ESRRB: variants seen among roughly 807,000 people sequenced by gnomAD.
ESRRB encodes steroid hormone receptor ERR2.
In ESRRB, 16 loss-of-function variants were observed where a neutral mutation model predicts 46.0. The ratio of observed to expected loss-of-function variants is 0.35; its 90% CI spans 0.24 to 0.53. The LOEUF (loss-of-function observed/expected upper bound fraction) is 0.53, where lower values mean the gene tolerates loss of function less well. ESRRB is among the 20% of genes least tolerant of loss of function. ESRRB has a pLI of 0.93. For missense variants in ESRRB, 488 were observed against 607.4 expected (o/e 0.80, Z 2.07); for synonymous variants, 246 against 259.6 (o/e 0.95, Z 0.50).
chr14:76,401,560 G>A (rs1885945786), intron 1 of ESRRB, among the ~76,000 whole-genome samples: 1 of 152,190 alleles, frequency 6.6e-6, no homozygotes, highest in South Asian at 2.1e-4. Flanking sequence ...CATATATGAT[G>A]GGGTCTCATA....
chr14:76,321,894 A>AC (rs1426631565), intron 1 of ESRRB, among the ~76,000 whole-genome samples: 2 of 151,784 alleles, frequency 1.3e-5, no homozygotes, highest in Non-Finnish European at 2.9e-5. Flanking sequence ...CTCAAAAAAA[A>AC]AAAAAATATA....
At chr14:76,358,868 C>T (rs1210906379) in intron 1 of ESRRB, among the ~76,000 whole-genome samples, 4 of 152,198 alleles carry the variant, frequency 2.6e-5, no homozygotes, top group Admixed American at 2.6e-4. Context: ...AAATTAGTGG[C>T]TCCCATGCTT....
intron 1 of ESRRB, among the ~76,000 whole-genome samples, chr14:76,358,685 G>A (rs1884428218): frequency 6.6e-6 from 1 of 152,236 alleles, no homozygotes; most frequent in Non-Finnish European, 1.5e-5. Flanking sequence ...ACTGTGAACT[G>A]CAATCTGCAC....
chr14:76,428,045 C>G (rs1278918807), intron 1 of ESRRB, among the ~76,000 whole-genome samples: 1 of 152,202 alleles, frequency 6.6e-6, no homozygotes, highest in Non-Finnish European at 1.5e-5. Context: ...GTTGCCCAGG[C>G]TGGAGTGCAA....
At chr14:76,431,458 T>C (rs913892916) in intron 1 of ESRRB, among the ~76,000 whole-genome samples, 1 of 152,140 alleles carries the variant, frequency 6.6e-6, no homozygotes, top group Non-Finnish European at 1.5e-5. Flanking sequence ...TCAACCTGCT[T>C]TGTAATCCAG....
chr14:76,365,480 A>AAAACAAACAAAC (rs145410460), intron 1 of ESRRB, among the ~76,000 whole-genome samples: 13 of 152,106 alleles, frequency 8.5e-5, no homozygotes, highest in African/African-American at 3.1e-4. Flanking sequence ...TCCTGTCTCC[A>AAAACAAACAAAC]AAACAAACAA....
chr14:76,378,081 G>C (rs112529734), intron 1 of ESRRB, among the ~76,000 whole-genome samples: 4 of 152,330 alleles, frequency 2.6e-5, no homozygotes, highest in African/African-American at 4.8e-5. Flanking sequence ...TTTGGTGCTT[G>C]TGGAGCATTT....
chr14:76,488,466 T>C (rs190059521), intron 5 of ESRRB, among the ~76,000 whole-genome samples: 1 of 152,126 alleles, frequency 6.6e-6, no homozygotes, highest in Non-Finnish European at 1.5e-5. Context: ...TCCTACAAGA[T>C]AGGCAAAGGC....
At chr14:76,394,936 A>G (rs1168164529) in intron 1 of ESRRB, among the ~76,000 whole-genome samples, 2 of 152,204 alleles carry the variant, frequency 1.3e-5, no homozygotes, top group African/African-American at 4.8e-5. Flanking sequence ...TAATTTTGAT[A>G]GAGGGAAAAC....
chr14:76,358,363 G>GA (rs1419762810), intron 1 of ESRRB, among the ~76,000 whole-genome samples: 2 of 59,182 alleles, frequency 3.4e-5, no homozygotes, highest in East Asian at 7.2e-4. Context: ...AAGAAAGAAA[G>GA]AAAGAAAGAA....
intron 3 of ESRRB, among the ~76,000 whole-genome samples, chr14:76,472,215 CTG>C (rs1334660444): frequency 2.0e-5 from 3 of 152,204 alleles, no homozygotes; most frequent in Non-Finnish European, 2.9e-5. Context: ...AATAACTTCT[CTG>C]TGTCAGGCGT....
chr14:76,496,605 A>G (rs1375183171), intron 6 of ESRRB, among the ~76,000 whole-genome samples: 3 of 152,172 alleles, frequency 2.0e-5, no homozygotes, highest in Non-Finnish European at 2.9e-5. Flanking sequence ...CTCAGCCTTG[A>G]GGGAGAAAGA....
chr14:76,396,957 A>G (rs570034731), intron 1 of ESRRB, among the ~76,000 whole-genome samples: 56 of 152,286 alleles, frequency 3.7e-4, no homozygotes, highest in African/African-American at 1.3e-3. Flanking sequence ...CCTGCCCAGG[A>G]AGCCATTAAT....
At position 76,358,324 on chromosome 14, in the gene ESRRB, AAAGAAAGAAAG is replaced by A. The variant is rs1884411573; in HGVS notation, c.2+47411_2+47421del. ...AAGACTCTGTCTCAAAAAAAAAAAA[AAAGAAAGAAAG>A]AAAGAAAGAAAGAAAGAAAGAAAGA... On this transcript the variant is annotated intron_variant, in intron 1 of 6. Transcript: ENST00000512784. Among the ~76,000 whole-genome samples the A allele has an allele frequency of 3.9e-4, 3 of 7,614 alleles. 1 individual carries two copies. The highest frequency in any genetic ancestry group is 5.0e-3 in the East Asian group (1 of 202). 5.0% of individuals were successfully genotyped at this position (7,614 alleles called of 152,430 possible).
At chr14:76,433,027 A>T (rs746920381) in intron 1 of ESRRB, among the ~76,000 whole-genome samples, 1 of 152,070 alleles carries the variant, frequency 6.6e-6, no homozygotes, top group Non-Finnish European at 1.5e-5. Flanking sequence ...CACTTCTTCC[A>T]GTAGGACCCC....
At chr14:76,352,966 C>T (rs901639890) in intron 1 of ESRRB, among the ~76,000 whole-genome samples, 1 of 152,218 alleles carries the variant, frequency 6.6e-6, no homozygotes, top group Non-Finnish European at 1.5e-5. Context: ...GGCACACGGC[C>T]CCGAATCGCC....
At chr14:76,459,269 G>A (rs1168470940) in intron 2 of ESRRB, among the ~76,000 whole-genome samples, 5 of 152,190 alleles carry the variant, frequency 3.3e-5, no homozygotes, top group South Asian at 2.1e-4. Flanking sequence ...TGAGCTCCCC[G>A]TGTGTGCGCA....
chr14:76,420,740 C>T (rs993596565), intron 1 of ESRRB, among the ~76,000 whole-genome samples: 52 of 152,104 alleles, frequency 3.4e-4, no homozygotes, highest in Non-Finnish European at 6.3e-4. Context: ...GAGGGATGGA[C>T]GGTCCTTTTC....
chr14:76,393,843 C>T (rs1885561873), intron 1 of ESRRB, among the ~76,000 whole-genome samples: 1 of 152,194 alleles, frequency 6.6e-6, no homozygotes, highest in African/African-American at 2.4e-5. Context: ...TTCTGTCACC[C>T]AGGCTGGAGT....
Sources: allele counts gnomAD v4.1 joint callset (sites outside exome capture counted in the v4.1 genomes callset), GRCh38; gene constraint gnomAD v4.1.1; transcripts MANE v1.5; gene names NCBI Gene and HGNC (gene_info 2026-07-23, HGNC 2026-07-21).